PEAK1: variants seen among roughly 807,000 people sequenced by gnomAD.
PEAK1 encodes the protein pseudopodium enriched atypical kinase 1.
PEAK1 carries 54 observed loss-of-function variants against 124.7 expected under a neutral mutation model. The observed-to-expected ratio is 0.43, with a 90% CI of 0.35 to 0.54. The LOEUF (loss-of-function observed/expected upper bound fraction) is 0.54, where lower values mean the gene tolerates loss of function less well. Among genes scored for constraint, PEAK1 ranks in the 20% least tolerant of loss-of-function variants. The probability of loss-of-function intolerance (pLI) is 0.01; values close to 1 mark genes in which losing one functional copy is unlikely to be tolerated. For missense variants in PEAK1, 2,046 were observed against 2,134.5 expected, an observed-to-expected ratio of 0.96 and a Z score of 0.82; for synonymous variants, 719 against 760.0, an observed-to-expected ratio of 0.95 and a Z score of 0.89.
At chr15:77,151,054 T>C (rs1456611130) in intron 8 of PEAK1, among the ~76,000 whole-genome samples, 2 of 152,096 alleles carry the variant, frequency 1.3e-5, no homozygotes, top group Admixed American at 1.3e-4. Context: ...GGTCAAATGG[T>C]ATTTCTAGTT....
At position 77,147,378 on chromosome 15, in the gene PEAK1, G is replaced by A. The variant is rs146316926; in HGVS notation, c.3331+11125C>T. On this transcript the variant is annotated intron_variant, in intron 8 of 9. Coordinates refer to ENST00000682557, the MANE Select transcript of PEAK1 (RefSeq NM_001385026.1). The stretch of plus-strand genomic sequence containing the variant: ...CAGAAAGAGGAACAAGCCAAAAATC[G>A]GTTGAATAAAGGGAGATATTATAGA... Among the ~76,000 whole-genome samples the A allele has an allele frequency of 5.6e-4, 85 of 152,230 alleles. No individual in the cohort carries two copies. The East Asian group carries it at 0.015, about 26-fold the overall frequency.
At chr15:77,407,374 G>A (rs576221867) in intron 1 of PEAK1, among the ~76,000 whole-genome samples, 7 of 152,084 alleles carry the variant, frequency 4.6e-5, no homozygotes, top group East Asian at 1.9e-4. Context: ...CTATGCATCC[G>A]ACAAAAGACT....
intron 2 of PEAK1, among the ~76,000 whole-genome samples, chr15:77,321,640 T>C (rs2065225485): frequency 6.6e-6 from 1 of 152,248 alleles, no homozygotes; most frequent in Admixed American, 6.5e-5. Flanking sequence ...TCTTTTGCTG[T>C]GCAGAAGCTC....
upstream of PEAK1, chr15:77,420,204 C>CCCGCGCGCCGCCCCT (rs1465211754): frequency 6.7e-6 from 1 of 150,098 alleles, no homozygotes; most frequent in Non-Finnish European, 1.5e-5. Flanking sequence ...TCCTCTCGGC[C>CCCGCGCGCCGCCCCT]CCGCGCGCCG....
At chr15:77,403,248 C>T (rs2071528015) in intron 1 of PEAK1, 1 of 985,244 alleles carries the variant, frequency 1.0e-6, no homozygotes, top group South Asian at 4.7e-5. Context: ...AAGTCTATCT[C>T]CCAATACCAA....
rs753445197 is a variant in PEAK1 at position 77,114,352 on chromosome 15, G to C, written c.5045C>G (p.Pro1682Arg). ...CAGGGTGTTCCTCTGTACTAGGCTA[G>C]GGCAGGCGGTGAAAGTCTGGAAGAG... The part of the protein sequence containing the change: ...EDLFQTFTAC[P>R]SLVQRNTLLQ... The change falls in exon 10 of 10, where the codon CCT becomes CGT. Residue 1682 changes from proline to arginine, a missense_variant. Pro to Arg is a moderately radical substitution (Grantham distance 103, BLOSUM62 -2). Transcript: ENST00000682557. 7.4e-6 allele frequency: 12 copies of C among 1,614,224 alleles called. No individual in the cohort carries two copies. The highest frequency in any genetic ancestry group is 1.0e-5 in the Non-Finnish European group (12 of 1,180,032).
chr15:77,352,716 T>C (rs2067281892), intron 2 of PEAK1: 1 of 955,344 alleles, frequency 1.0e-6, no homozygotes, highest in South Asian at 4.8e-5. Context: ...TTCAAGAAGA[T>C]TTGAAATAAT....
At chr15:77,353,747 A>G (rs1048383645) in intron 2 of PEAK1, among the ~76,000 whole-genome samples, 3 of 152,238 alleles carry the variant, frequency 2.0e-5, no homozygotes, top group Non-Finnish European at 2.9e-5. Context: ...GGGGAAATAC[A>G]AAGAAGTCAG....
intron 2 of PEAK1, chr15:77,355,948 G>C: frequency 1.0e-6 from 1 of 984,544 alleles, no homozygotes; most frequent in Non-Finnish European, 1.2e-6. Context: ...GCTTAGGCCT[G>C]AGACAAGAGG....
intron 7 of PEAK1, among the ~76,000 whole-genome samples, chr15:77,170,073 G>C (rs1158059203): frequency 6.6e-6 from 1 of 152,098 alleles, no homozygotes; most frequent in East Asian, 1.9e-4. Context: ...CCAGGGGTTA[G>C]CTACTAGGGT....
rs796070115 is a variant in PEAK1 at position 77,240,595 on chromosome 15, C to CA, written c.-115+11771dup. 1.3e-3 allele frequency among the ~76,000 whole-genome samples: 161 copies of CA among 128,778 alleles called. 1 individual carries two copies. Among genetic ancestry groups the CA allele is most frequent in the African/African-American group, 2.3e-3 (79 of 34,708 alleles). 84.5% of individuals were successfully genotyped at this position (128,778 alleles called of 152,430 possible). On this transcript the variant is annotated intron_variant, in intron 6 of 9. Coordinates refer to ENST00000682557, the MANE Select transcript of PEAK1 (RefSeq NM_001385026.1). ...TGGGCAATAGAGTGAGACCCTGTCT[C>CA]AAAAAAAAAAAGCTTATGTTTATAA...
chr15:77,298,064 C>CAAA lies in PEAK1; in HGVS notation c.-602-11563_-602-11561dup, dbSNP rs771222323. On this transcript the variant is annotated intron_variant, in intron 2 of 9. Transcript: ENST00000682557. Reference sequence around the variant, plus strand: ...TGGGCGACAGGGCGAGACTCCGTCTCAAAAAAAAAAAAAAAAAAAAAAAAA... The same window carrying CAAA: ...TGGGCGACAGGGCGAGACTCCGTCTCAAAAAAAAAAAAAAAAAAAAAAAAAAAA... 5.1e-4 allele frequency among the ~76,000 whole-genome samples: 16 copies of CAAA among 31,560 alleles called. 1 individual carries two copies. Among genetic ancestry groups the CAAA allele is most frequent in the East Asian group, 1.6e-3 (1 of 642 alleles). 20.7% of individuals were successfully genotyped at this position (31,560 alleles called of 152,430 possible).
intron 1 of PEAK1, among the ~76,000 whole-genome samples, chr15:77,368,493 G>A (rs1177358645): frequency 6.6e-6 from 1 of 151,412 alleles, no homozygotes; most frequent in Non-Finnish European, 1.5e-5. Context: ...ACTCCAGCCT[G>A]GGCGACAGAG....
chr15:77,243,932 C>T (rs2060465286), intron 6 of PEAK1, among the ~76,000 whole-genome samples: 1 of 150,938 alleles, frequency 6.6e-6, no homozygotes, highest in Non-Finnish European at 1.5e-5. Context: ...CGCGCCATTG[C>T]GCTCCAGCCT....
chr15:77,166,977 T>C (rs1376487391), intron 7 of PEAK1, among the ~76,000 whole-genome samples: 1 of 152,212 alleles, frequency 6.6e-6, no homozygotes, highest in African/African-American at 2.4e-5. Context: ...CTCCCATCTC[T>C]AGGGATTGAT....
intron 8 of PEAK1, among the ~76,000 whole-genome samples, chr15:77,144,126 T>C (rs541082011): frequency 4.5e-4 from 69 of 152,304 alleles, no homozygotes; most frequent in African/African-American, 1.5e-3. Flanking sequence ...TTAATGCTTA[T>C]CAGAGGAGGT....
intron 5 of PEAK1, among the ~76,000 whole-genome samples, chr15:77,274,209 G>A (rs998279288): frequency 6.6e-6 from 1 of 152,102 alleles, no homozygotes; most frequent in Admixed American, 6.6e-5. Flanking sequence ...TCTAGACACT[G>A]GCTTACGCAA....
At chr15:77,193,546 AC>A (rs2057951153) in intron 6 of PEAK1, among the ~76,000 whole-genome samples, 1 of 152,138 alleles carries the variant, frequency 6.6e-6, no homozygotes, top group Non-Finnish European at 1.5e-5. Flanking sequence ...TTCCGCAATT[AC>A]CCTTTTAAAA....
In PEAK1 at chr15:77,283,804, A is replaced by G. The variant is rs1269008545; in HGVS notation, c.-275+79T>C. Reference sequence around the variant, plus strand: ...AACACAAGGATATTAAAAGTCAATTATGCTTATTCTTAATCCAGGAATAAA... The same window carrying G: ...AACACAAGGATATTAAAAGTCAATTGTGCTTATTCTTAATCCAGGAATAAA... On this transcript the variant is annotated intron_variant, in intron 5 of 9. Coordinates refer to ENST00000682557, the MANE Select transcript of PEAK1 (RefSeq NM_001385026.1). 9.4e-6 allele frequency: 6 copies of G among 637,466 alleles called. No homozygotes were observed. The African/African-American group carries it at 1.2e-4, about 13-fold the overall frequency. 39.5% of individuals were successfully genotyped at this position (637,466 alleles called of 1,614,324 possible). A position where few individuals can be genotyped will look rare whatever the true frequency, so the allele number is the denominator to read the frequency against.
Sources: allele counts gnomAD v4.1 joint callset (sites outside exome capture counted in the v4.1 genomes callset), GRCh38; gene constraint gnomAD v4.1.1; transcripts MANE v1.5; gene names NCBI Gene and HGNC (gene_info 2026-07-23, HGNC 2026-07-21).